The following SSBP1 variants were observed in gnomAD, a reference collection of about 807,000 sequenced individuals.
SSBP1 encodes the protein single-stranded DNA-binding protein, mitochondrial.
SSBP1 carries 20 observed loss-of-function variants against 27.0 expected under a neutral mutation model. The observed-to-expected ratio is 0.74, with a 90% confidence interval of 0.52 to 1.08. The LOEUF (loss-of-function observed/expected upper bound fraction) is 1.08, where lower values mean the gene tolerates loss of function less well. Ranked by LOEUF, SSBP1 falls within the 50% of genes least tolerant of loss-of-function variation. The pLI is 0.00. For missense variants in SSBP1, 137 were observed against 182.4 expected (o/e 0.75, Z 1.44); for synonymous variants, 59 against 59.3 (o/e 1.00, Z 0.02).
intron 5 of SSBP1, among the ~76,000 whole-genome samples, chr7:141,744,452 T>G (rs1437300678): frequency 6.6e-6 from 1 of 152,202 alleles, no homozygotes; most frequent in African/African-American, 2.4e-5. Flanking sequence ...GGCAGTTATT[T>G]TATATTTGAT....
chr7:141,739,109 G>GT lies in SSBP1; in HGVS notation c.-43-8dup, dbSNP rs1267350394. On this transcript the variant is annotated splice_polypyrimidine_tract_variant and intron_variant, in intron 1 of 6. Transcript: ENST00000265304. ...AGAGGTAATGTTTTTTTCTTATTTT[G>GT]TTTTTTTCCTTCAGGAAAAGCCTAA... 2.0e-6 allele frequency: 3 copies of GT among 1,493,048 alleles called. No individual in the cohort carries two copies. Among genetic ancestry groups the GT allele is most frequent in the East Asian group, 2.3e-5 (1 of 43,648 alleles). The allele number at this position is 1,493,048 out of a possible 1,614,324, so 92.5% of individuals were successfully genotyped here.
chr7:141,742,230 G>A lies in SSBP1; in HGVS notation c.85+1G>A. 1 of 1,598,016 alleles carries A rather than the reference G, an allele frequency of 6.3e-7. No homozygotes were observed. Among genetic ancestry groups the A allele is most frequent in the Non-Finnish European group, 8.6e-7 (1 of 1,166,832 alleles). On this transcript the variant is annotated splice_donor_variant, in intron 3 of 6. Transcript: ENST00000265304. LOFTEE classifies it high-confidence loss of function. ...ACTACCAGTTTGGTTCTTGAAAGAT[G>A]TAAGTAGCTAATTTCCAAGTTTAAA...
At chr7:141,740,139 C>T (rs1470714046) in intron 2 of SSBP1, 1 of 152,154 alleles carries the variant, frequency 6.6e-6, no homozygotes, top group Non-Finnish European at 1.5e-5. Flanking sequence ...AATGACATTT[C>T]CAGAATCATG....
At chr7:141,738,855 T>G (rs1799390500) in intron 1 of SSBP1, 1 of 306,408 alleles carries the variant, frequency 3.3e-6, no homozygotes, top group Non-Finnish European at 6.0e-6. Context: ...GAGAAGACAG[T>G]GGATTGGAAG....
At chr7:141,747,734 C>T (rs2117194538) in intron 6 of SSBP1, among the ~76,000 whole-genome samples, 1 of 151,260 alleles carries the variant, frequency 6.6e-6, no homozygotes, top group East Asian at 2.0e-4. Context: ...TGCAGTGGCT[C>T]ACGCCTGTAA....
At chr7:141,740,102 A>G (rs879142418) in intron 2 of SSBP1, 1 of 152,218 alleles carries the variant, frequency 6.6e-6, no homozygotes. Flanking sequence ...TGTAAGATTT[A>G]TGAGGTCTAG....
In SSBP1 at chr7:141,750,305, T is replaced by C; in HGVS notation, c.404-6T>C. 1 of 1,590,430 alleles carries C rather than the reference T, an allele frequency of 6.3e-7. No individual in the cohort carries two copies. Among genetic ancestry groups the C allele is most frequent in the Non-Finnish European group, 8.5e-7 (1 of 1,169,716 alleles). ...AATTAATATTTACATTTTGGCTTTT[T>C]TACAGATAATATTATATTTCTGAGT... On this transcript the variant is annotated splice_region_variant and splice_polypyrimidine_tract_variant and intron_variant, in intron 6 of 6. Transcript: ENST00000265304.
intron 6 of SSBP1, among the ~76,000 whole-genome samples, chr7:141,747,240 G>T (rs1041297814): frequency 6.6e-6 from 1 of 152,150 alleles, no homozygotes; most frequent in South Asian, 2.1e-4. Context: ...GCTAAAATTA[G>T]ACATTGTGAA....
intron 2 of SSBP1, chr7:141,741,886 T>C (rs1300028309): frequency 3.1e-5 from 26 of 835,980 alleles, no homozygotes; most frequent in Non-Finnish European, 3.7e-5. Flanking sequence ...AGAAGTGCCA[T>C]AATCAAGGAG....
intron 5 of SSBP1, among the ~76,000 whole-genome samples, chr7:141,744,372 G>A (rs1228645073): frequency 6.6e-6 from 1 of 152,204 alleles, no homozygotes; most frequent in Admixed American, 6.5e-5. Context: ...CTTGCCTGTT[G>A]GCTGCCACAT....
At chr7:141,742,410 C>T (rs1200726022) in intron 3 of SSBP1, among the ~76,000 whole-genome samples, 181 bp downstream of exon 3, 1 of 152,132 alleles carries the variant, frequency 6.6e-6, no homozygotes, top group Non-Finnish European at 1.5e-5. Context: ...AAACTGAGCC[C>T]CTGTTCTCCT....
intron 1 of SSBP1, chr7:141,738,887 A>C (rs1040081410): frequency 3.3e-5 from 12 of 358,648 alleles, no homozygotes; most frequent in Non-Finnish European, 6.0e-5. Flanking sequence ...CAGAATCAAA[A>C]TTTTGTCGAT....
intron 5 of SSBP1, among the ~76,000 whole-genome samples, chr7:141,745,256 C>CAAATTATTTTTTAAT (rs1403452600): frequency 6.6e-6 from 1 of 152,144 alleles, no homozygotes; most frequent in Non-Finnish European, 1.5e-5. Flanking sequence ...TATTTTTTAA[C>CAAATTATTTTTTAAT]TTCCGTAAGA....
chr7:141,745,050 T>C (rs1343219591), intron 5 of SSBP1, among the ~76,000 whole-genome samples: 1 of 152,212 alleles, frequency 6.6e-6, no homozygotes, highest in Non-Finnish European at 1.5e-5. Flanking sequence ...GGTAATATTA[T>C]ACTAAACTAA....
intron 6 of SSBP1, among the ~76,000 whole-genome samples, chr7:141,748,885 AT>A (rs1271217463): frequency 6.6e-6 from 1 of 152,220 alleles, no homozygotes; most frequent in Non-Finnish European, 1.5e-5. Context: ...AGTGATATTA[AT>A]TCGAGTAGTT....
At chr7:141,738,856 G>T (rs1338908074) in intron 1 of SSBP1, 2 of 312,462 alleles carry the variant, frequency 6.4e-6, no homozygotes, top group Non-Finnish European at 1.2e-5. Context: ...AGAAGACAGT[G>T]GATTGGAAGT....
chr7:141,750,300 C>T lies in SSBP1; in HGVS notation c.404-11C>T. The stretch of plus-strand genomic sequence containing the variant: ...TCTGAAATTAATATTTACATTTTGG[C>T]TTTTTTACAGATAATATTATATTTC... On this transcript the variant is annotated splice_polypyrimidine_tract_variant and intron_variant, in intron 6 of 6. Coordinates refer to ENST00000265304, the MANE Select transcript of SSBP1 (RefSeq NM_003143.3). 1.3e-6 allele frequency: 2 copies of T among 1,586,350 alleles called. No individual in the cohort carries two copies. The highest frequency in any genetic ancestry group is 2.7e-5 in the African/African-American group (2 of 73,548).
chr7:141,743,455 C>G (rs1431032601), intron 3 of SSBP1, 106 bp from the exon 4 acceptor site: 1 of 1,336,214 alleles, frequency 7.5e-7, no homozygotes, highest in Non-Finnish European at 1.0e-6. Context: ...CTTCCAAATA[C>G]CATTACATTG....
chr7:141,741,557 C>T (rs1799533722), intron 2 of SSBP1: 1 of 152,222 alleles, frequency 6.6e-6, no homozygotes, highest in Admixed American at 6.5e-5. Flanking sequence ...TATAAAGCAT[C>T]TCTTTTAACT....
Sources: allele counts gnomAD v4.1 joint callset (sites outside exome capture counted in the v4.1 genomes callset), GRCh38; gene constraint gnomAD v4.1.1; transcripts MANE v1.5; gene names NCBI Gene and HGNC (gene_info 2026-07-23, HGNC 2026-07-21).